Variants in AARS1 observed in about 807,000 individuals in gnomAD.
The protein encoded by AARS1 is alanyl-tRNA synthetase 1.
AARS1 carries 72 observed loss-of-function variants against 108.9 expected under a neutral mutation model. That is an observed-to-expected ratio of 0.66 (90% confidence interval 0.55 to 0.80). The LOEUF (loss-of-function observed/expected upper bound fraction) is 0.80. Ranked by LOEUF, AARS1 falls within the 30% of genes least tolerant of loss-of-function variation. The pLI, the probability that AARS1 is intolerant of heterozygous loss-of-function variation, is 0.00. For synonymous variants in AARS1, 489 were observed against 465.7 expected (o/e 1.05, Z -0.64); for missense variants, 1,193 against 1,233.2 (o/e 0.97, Z 0.49).
chr16:70,262,630 C>A, intron 11 of AARS1, 106 bp from the exon 12 acceptor site: 1 of 1,165,196 alleles, frequency 8.6e-7, no homozygotes, highest in Middle Eastern at 2.5e-4. Flanking sequence ...TTCTTAGCTC[C>A]TAATTGTCCA....
chr16:70,258,008 T>C, intron 15 of AARS1, 25 bp downstream of exon 15: 1 of 1,613,782 alleles, frequency 6.2e-7, no homozygotes, highest in Non-Finnish European at 8.5e-7. Context: ...ATGACCTGTC[T>C]ACTCTGCCCC....
At chr16:70,269,218 G>T (rs1960334253) in intron 7 of AARS1, among the ~76,000 whole-genome samples, 1 of 151,450 alleles carries the variant, frequency 6.6e-6, no homozygotes, top group Non-Finnish European at 1.5e-5. Context: ...TATTCGGGAG[G>T]CTGAGGGAAA....
In AARS1 at chr16:70,255,717, G is replaced by T; in HGVS notation, c.2286+11C>A. ...CTTCAGATAAGCCACAAACCAGCCT[G>T]ACCTGCTCACCTTCTGGGCCTCGGC... is the stretch of plus-strand genomic sequence containing the variant. On this transcript the variant is annotated intron_variant, in intron 16 of 20. Coordinates refer to ENST00000261772, the MANE Select transcript of AARS1 (RefSeq NM_001605.3). 6.2e-7 allele frequency: 1 copy of T among 1,613,142 alleles called. No individual in the cohort carries two copies. Among genetic ancestry groups the T allele is most frequent in the Non-Finnish European group, 8.5e-7 (1 of 1,179,170 alleles).
At chr16:70,262,967 CAA>C (rs57444625) in intron 11 of AARS1, among the ~76,000 whole-genome samples, 59 of 20,572 alleles carry the variant, frequency 2.9e-3, no homozygotes, top group Non-Finnish European at 3.3e-3. Flanking sequence ...GACTCGGTCT[CAA>C]AAAAAAAAAA....
intron 17 of AARS1, chr16:70,254,298 G>A (rs1462850862): frequency 6.7e-6 from 4 of 598,384 alleles, no homozygotes; most frequent in African/African-American, 3.7e-5. Flanking sequence ...TAAGCTTCCT[G>A]GCAGCTTGAA....
Position 70,268,278 on chromosome 16 carries a change from T to G in AARS1, c.1064A>C (p.Gln355Pro). 1 of 1,614,136 alleles carries G rather than the reference T, an allele frequency of 6.2e-7. No homozygotes were observed. Among genetic ancestry groups the G allele is most frequent in the Non-Finnish European group, 8.5e-7 (1 of 1,179,956 alleles). ...FFATLVDVVV[Q>P]SLGDAFPELK... Reference sequence around the variant, plus strand: ...GCAGAGAAATAAACCTACCAGGGACTGGACGACAACATCCACTAACGTAGC... The same window carrying G: ...GCAGAGAAATAAACCTACCAGGGACGGGACGACAACATCCACTAACGTAGC... The change falls in exon 8 of 21, where the codon CAG (glutamine) becomes CCG (proline). Residue 355 changes from glutamine (Q) to proline (P), a missense_variant. Physicochemically the swap from Gln to Pro is moderately conservative, Grantham distance 76. Coordinates refer to ENST00000261772, the MANE Select transcript of AARS1 (RefSeq NM_001605.3).
intron 2 of AARS1, among the ~76,000 whole-genome samples, chr16:70,277,572 T>A (rs953226386): frequency 1.3e-5 from 2 of 152,138 alleles, no homozygotes; most frequent in African/African-American, 4.8e-5. Context: ...AACTGACACA[T>A]ATTAAGGGAA....
intron 1 of AARS1, among the ~76,000 whole-genome samples, chr16:70,285,985 T>C (rs1960829121): frequency 6.6e-6 from 1 of 152,200 alleles, no homozygotes; most frequent in Non-Finnish European, 1.5e-5. Flanking sequence ...CCATAATGAA[T>C]GCATACTATG....
intron 15 of AARS1, among the ~76,000 whole-genome samples, chr16:70,256,749 G>A (rs1052323783): frequency 2.0e-5 from 3 of 152,084 alleles, no homozygotes; most frequent in Admixed American, 6.6e-5. Context: ...CCTACTCTCT[G>A]CACATCCTAC....
At chr16:70,260,385 T>C (rs1960103900) in intron 13 of AARS1, among the ~76,000 whole-genome samples, 1 of 152,106 alleles carries the variant, frequency 6.6e-6, no homozygotes, top group Non-Finnish European at 1.5e-5. Context: ...TTTTAGAACA[T>C]ACACTGCTAT....
intron 13 of AARS1, among the ~76,000 whole-genome samples, chr16:70,259,963 G>C (rs571444507): frequency 6.6e-6 from 1 of 152,102 alleles, no homozygotes; most frequent in South Asian, 2.1e-4. Context: ...GTAGAGACAG[G>C]GTTTCTCCAT....
intron 2 of AARS1, among the ~76,000 whole-genome samples, chr16:70,279,579 G>A (rs1960641727): frequency 1.4e-5 from 2 of 145,416 alleles, no homozygotes; most frequent in African/African-American, 5.1e-5. Flanking sequence ...AGAATCGCTT[G>A]AATCCAGGAG....
chr16:70,265,494 G>A, intron 10 of AARS1, 44 bp downstream of exon 10: 1 of 1,612,776 alleles, frequency 6.2e-7, no homozygotes, highest in South Asian at 1.1e-5. Flanking sequence ...GTGGTGCTGG[G>A]TTGGAAGGTG....
intron 16 of AARS1, among the ~76,000 whole-genome samples, 199 bp from the exon 17 acceptor site, chr16:70,254,933 G>A (rs911953550): frequency 1.3e-5 from 2 of 152,192 alleles, no homozygotes; most frequent in Non-Finnish European, 1.5e-5. Context: ...ATTGGCAAAG[G>A]CTGCACCCAA....
At chr16:70,259,484 C>CTT (rs1960083101) in intron 13 of AARS1, among the ~76,000 whole-genome samples, 1 of 152,084 alleles carries the variant, frequency 6.6e-6, no homozygotes, top group Non-Finnish European at 1.5e-5. Flanking sequence ...AGCCTGTCAT[C>CTT]TGTCTTTTCA....
intron 2 of AARS1, among the ~76,000 whole-genome samples, chr16:70,280,761 T>C (rs556483642): frequency 9.9e-5 from 15 of 152,224 alleles, no homozygotes; most frequent in African/African-American, 3.1e-4. Flanking sequence ...CTTTATAAAC[T>C]TGTCATGCTT....
At chr16:70,276,269 C>A in intron 4 of AARS1, 1 of 499,194 alleles carries the variant, frequency 2.0e-6, no homozygotes, top group Non-Finnish European at 3.6e-6. Context: ...GATAATTACT[C>A]TGTCGCCCAG....
chr16:70,288,895 C>T (rs1960948531), intron 1 of AARS1, among the ~76,000 whole-genome samples: 1 of 152,126 alleles, frequency 6.6e-6, no homozygotes, highest in African/African-American at 2.4e-5. Context: ...TCCTCAGCAT[C>T]TAGTACAGTG....
In AARS1 at chr16:70,276,515, C is replaced by T; in HGVS notation, c.450G>A (p.Leu150=). The change falls in exon 4 of 21, where the codon CTG becomes CTA. Residue 150 remains leucine, a synonymous_variant. Transcript: ENST00000261772. The part of the protein sequence containing the change: ...GDEAAGLEAD[L]ECKQIWQNLG... ...AATTTTGCCAGATCTGTTTGCATTC[C>T]AGATCTGCTTCTAAGCCAGCTGCTT... 6.2e-7 allele frequency: 1 copy of T among 1,614,050 alleles called. No individual in the cohort carries two copies. Among genetic ancestry groups the T allele is most frequent in the Non-Finnish European group, 8.5e-7 (1 of 1,180,008 alleles).
Sources: allele counts gnomAD v4.1 joint callset (sites outside exome capture counted in the v4.1 genomes callset), GRCh38; gene constraint gnomAD v4.1.1; transcripts MANE v1.5; gene names NCBI Gene and HGNC (gene_info 2026-07-23, HGNC 2026-07-21).